GABRR3: variants seen among roughly 807,000 people sequenced by gnomAD.
GABRR3 encodes the protein gamma-aminobutyric acid type A receptor subunit rho3.
A neutral mutation model predicts 43.2 loss-of-function variants in GABRR3; 29 were observed. The observed-to-expected ratio is 0.67, with a 90% CI of 0.50 to 0.92. The LOEUF (loss-of-function observed/expected upper bound fraction) is 0.92, where lower values mean the gene tolerates loss of function less well. GABRR3 is among the 40% of genes least tolerant of loss of function. The pLI, the probability that GABRR3 is intolerant of heterozygous loss-of-function variation, is 0.00. For missense variants in GABRR3, 576 were observed against 572.3 expected, an observed-to-expected ratio of 1.01 and a Z score of -0.07; for synonymous variants, 206 against 195.9, an observed-to-expected ratio of 1.05 and a Z score of -0.43.
At chr3:98,029,785 A>C (rs944550252) in intron 2 of GABRR3, among the ~76,000 whole-genome samples, 1 of 152,170 alleles carries the variant, frequency 6.6e-6, no homozygotes, top group Non-Finnish European at 1.5e-5. Flanking sequence ...TTAAATTAGC[A>C]AAAGACAAAA....
At chr3:97,996,274 T>A (rs1706552388) in intron 8 of GABRR3, among the ~76,000 whole-genome samples, 1 of 152,080 alleles carries the variant, frequency 6.6e-6, no homozygotes, top group Non-Finnish European at 1.5e-5. Context: ...AGAACGAAAA[T>A]ATTACATGAT....
intron 7 of GABRR3, among the ~76,000 whole-genome samples, chr3:98,006,870 C>G (rs568557520): frequency 1.1e-4 from 16 of 152,216 alleles, no homozygotes; most frequent in African/African-American, 3.9e-4. Flanking sequence ...TAAAAGTTGT[C>G]AATTCAGAAA....
intron 2 of GABRR3, among the ~76,000 whole-genome samples, chr3:98,026,398 AG>A (rs1341712010): frequency 6.6e-6 from 1 of 152,090 alleles, no homozygotes; most frequent in African/African-American, 2.4e-5. Flanking sequence ...ACTGGGAATA[AG>A]GCCCTGTCTC....
chr3:98,009,210 G>A (rs1706758896), intron 5 of GABRR3, among the ~76,000 whole-genome samples, 172 bp from the exon 6 acceptor site: 1 of 152,194 alleles, frequency 6.6e-6, no homozygotes, highest in African/African-American at 2.4e-5. Context: ...GCAAACTCAG[G>A]AGGGTAGATG....
intron 2 of GABRR3, among the ~76,000 whole-genome samples, chr3:98,031,616 G>A (rs961639981): frequency 6.6e-6 from 1 of 151,972 alleles, no homozygotes; most frequent in Non-Finnish European, 1.5e-5. Context: ...AGTGGCACAC[G>A]CCTGTTGTCC....
chr3:98,025,039 C>T (rs1165525704), intron 3 of GABRR3, among the ~76,000 whole-genome samples: 1 of 152,194 alleles, frequency 6.6e-6, no homozygotes. Context: ...AGTATCATGA[C>T]AGTGCCTATT....
intron 7 of GABRR3, 90 bp downstream of exon 7, chr3:98,007,674 T>C: frequency 2.1e-6 from 3 of 1,430,168 alleles, no homozygotes; most frequent in Non-Finnish European, 2.9e-6. Context: ...GGACACTCGC[T>C]TGGATTCCGG....
intron 2 of GABRR3, among the ~76,000 whole-genome samples, chr3:98,026,375 C>T (rs946211984): frequency 6.6e-6 from 1 of 152,006 alleles, no homozygotes; most frequent in African/African-American, 2.4e-5. Flanking sequence ...GCCTCTTGGC[C>T]CTAGGTGTCC....
chr3:98,009,956 A>T (rs568939149), intron 5 of GABRR3, among the ~76,000 whole-genome samples: 1 of 152,310 alleles, frequency 6.6e-6, no homozygotes, highest in East Asian at 1.9e-4. Context: ...AGTACATGTG[A>T]GTGACTTAAT....
At chr3:98,017,783 T>A in intron 3 of GABRR3, 61 bp from the exon 4 acceptor site, 1 of 1,185,254 alleles carries the variant, frequency 8.4e-7, no homozygotes. Flanking sequence ...TAAAACCATT[T>A]AAAACAGAGA....
intron 8 of GABRR3, chr3:98,000,887 CT>C (rs1056447900): frequency 2.0e-5 from 3 of 152,132 alleles, no homozygotes; most frequent in Non-Finnish European, 2.9e-5. Flanking sequence ...GTATCTTCTA[CT>C]TTCTAAGATC....
chr3:98,024,986 C>A (rs2107248733), intron 3 of GABRR3, among the ~76,000 whole-genome samples: 1 of 152,332 alleles, frequency 6.6e-6, no homozygotes, highest in South Asian at 2.1e-4. Context: ...TTGGGCAAAT[C>A]TCTTAACCTC....
chr3:98,001,990 C>CCGCA (rs1388614271), intron 7 of GABRR3, among the ~76,000 whole-genome samples: 1 of 152,106 alleles, frequency 6.6e-6, no homozygotes, highest in African/African-American at 2.4e-5. Context: ...ACTTCCAAAC[C>CCGCA]CGCAGTTCAG....
chr3:98,024,366 C>CAAAAAAA (rs35090836), intron 3 of GABRR3, among the ~76,000 whole-genome samples: 27 of 42,428 alleles, frequency 6.4e-4, no homozygotes, highest in African/African-American at 9.8e-4. Context: ...GACTCCGTCT[C>CAAAAAAA]AAAAAAAAAA....
At chr3:98,033,098 G>A (rs114654626) in intron 2 of GABRR3, among the ~76,000 whole-genome samples, 3,134 of 152,244 alleles carry the variant, frequency 0.021, 62 homozygotes, top group Admixed American at 0.033. Context: ...GTGTTACTCT[G>A]TTCACTCAGG....
In GABRR3 at chr3:98,018,350, C is replaced by T. The variant is rs555449697; in HGVS notation, c.239-628G>A. On this transcript the variant is annotated intron_variant, in intron 3 of 9. Coordinates refer to ENST00000621172, the Ensembl canonical transcript of GABRR3. ...TTTGCAGATCAGCAGCAACCACAGG[C>T]TGCATTTGTGAAGAAGCAAATATCC... is the stretch of plus-strand genomic sequence containing the variant. Among the ~76,000 whole-genome samples, 7 of 152,310 alleles carry T rather than the reference C, an allele frequency of 4.6e-5. No homozygotes were observed. In the South Asian group the frequency reaches 1.5e-3, roughly 32 times the overall value.
chr3:97,993,511 A>T (rs1706498545), intron 8 of GABRR3, among the ~76,000 whole-genome samples: 1 of 152,152 alleles, frequency 6.6e-6, no homozygotes, highest in South Asian at 2.1e-4. Context: ...TCTTCTTGAA[A>T]GATCTTTAGT....
chr3:98,023,777 A>C (rs576385936), intron 3 of GABRR3, among the ~76,000 whole-genome samples: 4 of 152,344 alleles, frequency 2.6e-5, no homozygotes, highest in African/African-American at 9.6e-5. Flanking sequence ...TCTGCAAAAC[A>C]AAAAATTAAA....
At position 98,022,530 on chromosome 3, in the gene GABRR3, C is replaced by A. The variant is rs1250783036; in HGVS notation, c.238+3037G>T. On this transcript the variant is annotated intron_variant, in intron 3 of 9. Coordinates refer to ENST00000621172, the Ensembl canonical transcript of GABRR3. Reference sequence around the variant, plus strand: ...ATTAAAGCTTGTCTTTTATATTCTGCAGTCTGATTTCCCCAAGGAAGGCAG... The same window carrying A: ...ATTAAAGCTTGTCTTTTATATTCTGAAGTCTGATTTCCCCAAGGAAGGCAG... Among the ~76,000 whole-genome samples, 5 of 152,200 alleles carry A rather than the reference C, an allele frequency of 3.3e-5. No individual in the cohort carries two copies. The East Asian group carries it at 9.6e-4, about 29-fold the overall frequency.
Sources: gnomAD v4.1 joint callset for allele counts (sites outside exome capture counted in the v4.1 genomes callset) on GRCh38, gnomAD v4.1.1 for gene constraint, MANE v1.5 for transcripts, NCBI Gene and HGNC (gene_info 2026-07-23, HGNC 2026-07-21) for gene names.